CLASP2: variants seen among roughly 807,000 people sequenced by gnomAD.
The protein encoded by CLASP2 is CLIP-associating protein 2.
A neutral mutation model predicts 194.4 loss-of-function variants in CLASP2; 47 were observed. The observed-to-expected ratio is 0.24, with a 90% CI of 0.19 to 0.31. The LOEUF (loss-of-function observed/expected upper bound fraction) is 0.31. Ranked by LOEUF, CLASP2 falls within the 10% of genes least tolerant of loss-of-function variation. The probability of loss-of-function intolerance (pLI) is 1.00; values close to 1 mark genes in which losing one functional copy is unlikely to be tolerated. For synonymous variants in CLASP2, 619 were observed against 633.5 expected, an observed-to-expected ratio of 0.98 and a Z score of 0.34; for missense variants, 1,445 against 1,823.6, an observed-to-expected ratio of 0.79 and a Z score of 3.78.
At chr3:33,554,061 A>C (rs887608520) in intron 29 of CLASP2, among the ~76,000 whole-genome samples, 1 of 151,920 alleles carries the variant, frequency 6.6e-6, no homozygotes, top group African/African-American at 2.4e-5. Context: ...AACCCCATCT[A>C]TACTAAAAAT....
At chr3:33,553,615 TATTCATC>T (rs1357678326) in intron 29 of CLASP2, among the ~76,000 whole-genome samples, 3 of 152,212 alleles carry the variant, frequency 2.0e-5, no homozygotes, top group Non-Finnish European at 4.4e-5. Flanking sequence ...TCAATATCAG[TATTCATC>T]AGGGAAAGGC....
At chr3:33,715,847 TAAA>T (rs59528446) in intron 1 of CLASP2, among the ~76,000 whole-genome samples, 156 of 62,170 alleles carry the variant, frequency 2.5e-3, no homozygotes, top group Admixed American at 4.3e-3. Context: ...GTATCTTAAG[TAAA>T]AAAAAAAAAA....
chr3:33,717,675 T>G, intron 1 of CLASP2, 133 bp downstream of exon 1: 1 of 953,602 alleles, frequency 1.0e-6, no homozygotes, highest in African/African-American at 1.6e-5. Context: ...TCCGCCCGCC[T>G]GTGCTTCCCA....
intron 8 of CLASP2, among the ~76,000 whole-genome samples, chr3:33,633,009 T>C (rs1023575841): frequency 6.6e-6 from 1 of 152,166 alleles, no homozygotes; most frequent in African/African-American, 2.4e-5. Context: ...TCTTAAACTC[T>C]GGCAATAGGG....
chr3:33,589,598 A>G (rs2068232458), intron 21 of CLASP2, among the ~76,000 whole-genome samples: 1 of 152,180 alleles, frequency 6.6e-6, no homozygotes, highest in Admixed American at 6.5e-5. Context: ...TCCAATATAA[A>G]ACCCAAATGA....
chr3:33,641,290 T>G (rs1288256198), intron 8 of CLASP2, among the ~76,000 whole-genome samples: 1 of 151,952 alleles, frequency 6.6e-6, no homozygotes, highest in African/African-American at 2.4e-5. Flanking sequence ...TAGTAACCAT[T>G]GAGCCAAAAG....
chr3:33,668,995 T>A (rs1291586552), intron 6 of CLASP2, among the ~76,000 whole-genome samples: 1 of 152,194 alleles, frequency 6.6e-6, no homozygotes, highest in Non-Finnish European at 1.5e-5. Context: ...AAAACCCCTA[T>A]GAAGTTAATT....
At chr3:33,709,001 A>T (rs755095871) in intron 1 of CLASP2, among the ~76,000 whole-genome samples, 30 of 152,240 alleles carry the variant, frequency 2.0e-4, no homozygotes, top group Non-Finnish European at 4.3e-4. Flanking sequence ...CGTTTTGGAT[A>T]TTAAACCCTT....
intron 6 of CLASP2, among the ~76,000 whole-genome samples, chr3:33,671,609 G>A (rs577473708): frequency 2.6e-5 from 4 of 152,222 alleles, no homozygotes; most frequent in South Asian, 2.1e-4. Context: ...TGGGTACAGC[G>A]CACCGTGCAC....
At chr3:33,516,523 C>T (rs1367183223) in intron 35 of CLASP2, among the ~76,000 whole-genome samples, 5 of 151,778 alleles carry the variant, frequency 3.3e-5, no homozygotes, top group African/African-American at 9.7e-5. Context: ...CAAAATTAGC[C>T]GGGGGTGGTG....
At chr3:33,509,718 T>G (rs2154086389) in intron 37 of CLASP2, among the ~76,000 whole-genome samples, 1 of 152,336 alleles carries the variant, frequency 6.6e-6, no homozygotes, top group Admixed American at 6.5e-5. Context: ...TGTAAAATAT[T>G]ATTTATTGGA....
chr3:33,617,929 AT>A (rs2076454063), intron 12 of CLASP2, among the ~76,000 whole-genome samples: 3 of 145,278 alleles, frequency 2.1e-5, no homozygotes, highest in Non-Finnish European at 4.5e-5. Context: ...GATAATTATT[AT>A]TATTATATAT....
At chr3:33,702,939 G>A (rs888684564) in intron 1 of CLASP2, among the ~76,000 whole-genome samples, 1 of 152,122 alleles carries the variant, frequency 6.6e-6, no homozygotes, top group East Asian at 1.9e-4. Flanking sequence ...TCTAGACAGA[G>A]ACCTTATGCC....
chr3:33,550,348 T>C (rs1361747770), intron 30 of CLASP2, among the ~76,000 whole-genome samples: 2 of 134,170 alleles, frequency 1.5e-5, no homozygotes, highest in African/African-American at 5.8e-5. Context: ...TGAGCCAGTA[T>C]CATGCCACTG....
At chr3:33,536,505 A>G (rs2057370753) in intron 33 of CLASP2, among the ~76,000 whole-genome samples, 1 of 152,212 alleles carries the variant, frequency 6.6e-6, no homozygotes, top group South Asian at 2.1e-4. Context: ...AGTAAGTTCA[A>G]GGAATAGCAA....
chr3:33,539,552 C>T (rs2057975623), intron 32 of CLASP2, among the ~76,000 whole-genome samples: 1 of 152,148 alleles, frequency 6.6e-6, no homozygotes, highest in African/African-American at 2.4e-5. Context: ...GCAGGCTGGT[C>T]TCGAACTCCT....
intron 34 of CLASP2, among the ~76,000 whole-genome samples, chr3:33,532,047 G>A (rs2056440820): frequency 6.6e-6 from 1 of 152,078 alleles, no homozygotes; most frequent in Non-Finnish European, 1.5e-5. Flanking sequence ...TTGAAAACAG[G>A]GTATTGAAGA....
In CLASP2 at chr3:33,498,608, C is replaced by T. The variant is rs1166030624; in HGVS notation, c.*23G>A. On this transcript the variant is annotated 3_prime_UTR_variant, in exon 39 of 39. Coordinates refer to ENST00000682230, the MANE Select transcript of CLASP2 (RefSeq NM_001365631.1). ...CTATCTGTCCTTTCTTTTGAGAGACCTGGTTCGCTGTGATGAGCTTCACTA... is the reference window on the plus strand; with the variant it reads ...CTATCTGTCCTTTCTTTTGAGAGACTTGGTTCGCTGTGATGAGCTTCACTA... The T allele has an allele frequency of 6.5e-7, 1 of 1,540,218 alleles. No individual in the cohort carries two copies. Among genetic ancestry groups the T allele is most frequent in the South Asian group, 1.1e-5 (1 of 88,162 alleles).
chr3:33,522,022 C>CA (rs1553717524), intron 34 of CLASP2, among the ~76,000 whole-genome samples: 3 of 149,694 alleles, frequency 2.0e-5, no homozygotes, highest in Non-Finnish European at 4.5e-5. Context: ...TTGACTGCTG[C>CA]TTTTTTTTTT....
Sources: gnomAD v4.1 joint callset for allele counts (sites outside exome capture counted in the v4.1 genomes callset) on GRCh38, gnomAD v4.1.1 for gene constraint, MANE v1.5 for transcripts, NCBI Gene and HGNC (gene_info 2026-07-23, HGNC 2026-07-21) for gene names.